Variants in TBC1D32 observed in about 807,000 individuals in gnomAD.
TBC1D32 encodes the protein protein broad-minded.
A neutral mutation model predicts 170.3 loss-of-function variants in TBC1D32; 151 were observed. The observed-to-expected ratio is 0.89, with a 90% CI of 0.78 to 1.01. The LOEUF (loss-of-function observed/expected upper bound fraction) is 1.01. Among genes scored for constraint, TBC1D32 ranks in the 50% least tolerant of loss-of-function variants. The pLI is 0.00. For missense variants in TBC1D32, 1,464 were observed against 1,457.1 expected (o/e 1.00, Z -0.08); for synonymous variants, 498 against 488.0 (o/e 1.02, Z -0.27).
intron 13 of TBC1D32, among the ~76,000 whole-genome samples, chr6:121,282,048 A>G (rs923770652): frequency 3.3e-5 from 5 of 151,806 alleles, no homozygotes; most frequent in South Asian, 2.1e-4. Flanking sequence ...CACTTTTACC[A>G]TACTCATATT....
intron 30 of TBC1D32, among the ~76,000 whole-genome samples, chr6:121,092,428 T>A (rs2128177232): frequency 6.6e-6 from 1 of 151,930 alleles, no homozygotes; most frequent in South Asian, 2.1e-4. Flanking sequence ...TCTATCATTT[T>A]GTTTTTCTAA....
At chr6:121,323,314 CTCTCA>C (rs67038651) in intron 1 of TBC1D32, among the ~76,000 whole-genome samples, 96,989 of 151,454 alleles carry the variant, frequency 0.64, 36,483 homozygotes, top group Non-Finnish European at 0.84. Context: ...TCCCTCTCTC[CTCTCA>C]TATTTTCTTC....
intron 1 of TBC1D32, among the ~76,000 whole-genome samples, chr6:121,327,669 G>C (rs1810629642): frequency 6.6e-6 from 1 of 152,112 alleles, no homozygotes; most frequent in Non-Finnish European, 1.5e-5. Context: ...CCCAACTAAA[G>C]GCAAAGCTTC....
chr6:121,158,148 G>A (rs984454644), intron 24 of TBC1D32, among the ~76,000 whole-genome samples: 3 of 147,740 alleles, frequency 2.0e-5, no homozygotes, highest in Non-Finnish European at 4.5e-5. Flanking sequence ...CATAGATTTG[G>A]TCTCTTTACA....
intron 17 of TBC1D32, among the ~76,000 whole-genome samples, chr6:121,244,722 T>C (rs184693446): frequency 1.2e-4 from 19 of 152,346 alleles, no homozygotes; most frequent in Admixed American, 8.5e-4. Context: ...TAAGTAAATA[T>C]GGTATGGCAA....
chr6:121,307,589 G>A (rs1001733336), intron 5 of TBC1D32, among the ~76,000 whole-genome samples: 3 of 152,096 alleles, frequency 2.0e-5, no homozygotes, highest in East Asian at 1.9e-4. Context: ...GCCAGACACC[G>A]TGGCCCATGC....
chr6:121,284,054 G>C (rs1803428869), intron 12 of TBC1D32, 144 bp from the exon 13 acceptor site: 1 of 630,314 alleles, frequency 1.6e-6, no homozygotes, highest in Admixed American at 3.0e-5. Flanking sequence ...TATAATCTCA[G>C]ATAGAAGACT....
chr6:121,190,424 C>A (rs1789844481), intron 22 of TBC1D32, among the ~76,000 whole-genome samples: 1 of 145,450 alleles, frequency 6.9e-6, no homozygotes, highest in Non-Finnish European at 1.5e-5. Context: ...ACTCTCTCTA[C>A]CCCCCTACAC....
At chr6:121,233,408 T>G (rs1191065424) in intron 20 of TBC1D32, among the ~76,000 whole-genome samples, 3 of 152,144 alleles carry the variant, frequency 2.0e-5, no homozygotes, top group Non-Finnish European at 4.4e-5. Context: ...AGTGCTTATA[T>G]ATTTAGGATT....
chr6:121,160,017 T>C lies in TBC1D32; in HGVS notation c.2766A>G (p.Ile922Met). The C allele has an allele frequency of 6.3e-7, 1 of 1,596,410 alleles. No homozygotes were observed. Among genetic ancestry groups the C allele is most frequent in the Non-Finnish European group, 8.6e-7 (1 of 1,165,312 alleles). The change falls in exon 24 of 32, where the codon ATA becomes ATG. Residue 922 changes from isoleucine (I) to methionine (M), a missense_variant. By Grantham distance (10) the Ile-to-Met change is conservative (BLOSUM62 1). Around this residue, in one of 3 missense-constraint regions of TBC1D32, gnomAD observed 1,363 missense variants for 1,338.1 expected, o/e 1.02. Coordinates refer to ENST00000398212, the MANE Select transcript of TBC1D32 (RefSeq NM_152730.6). ...TGATGGTAAATATTTTACCTTGTTT[T>C]ATACCAGCATTTCTTGTAATGTCTG... ...YLSDITRNAG[I>M]KQDNDLDKLL...
chr6:121,196,029 G>A (rs1247980095), intron 22 of TBC1D32, among the ~76,000 whole-genome samples: 1 of 152,200 alleles, frequency 6.6e-6, no homozygotes, highest in Non-Finnish European at 1.5e-5. Context: ...TGGGGAAGAA[G>A]TATGTGGATG....
intron 15 of TBC1D32, among the ~76,000 whole-genome samples, chr6:121,271,435 G>A (rs148643164): frequency 0.12 from 17,670 of 152,096 alleles, 1,493 homozygotes; most frequent in Admixed American, 0.23. Flanking sequence ...CAAAATCAAC[G>A]TGTAAAAATC....
intron 24 of TBC1D32, among the ~76,000 whole-genome samples, chr6:121,149,941 G>C (rs570106721): frequency 6.6e-6 from 1 of 152,220 alleles, no homozygotes; most frequent in South Asian, 2.1e-4. Context: ...CTTAAGCAGT[G>C]GTTTGTAGTT....
chr6:121,085,425 G>T (rs116068952), intron 31 of TBC1D32, among the ~76,000 whole-genome samples: 1 of 147,830 alleles, frequency 6.8e-6, no homozygotes, highest in African/African-American at 2.5e-5. Flanking sequence ...CATAACAACC[G>T]GTAAGCAATG....
At chr6:121,104,243 C>G (rs1778456679) in intron 30 of TBC1D32, among the ~76,000 whole-genome samples, 1 of 151,606 alleles carries the variant, frequency 6.6e-6, no homozygotes, top group South Asian at 2.1e-4. Flanking sequence ...ATTAAGAAGT[C>G]TATTACTGTA....
intron 25 of TBC1D32, among the ~76,000 whole-genome samples, chr6:121,128,360 T>C (rs1396011750): frequency 2.6e-5 from 4 of 152,164 alleles, no homozygotes; most frequent in Non-Finnish European, 5.9e-5. Context: ...TTCTAACCAA[T>C]TGTAAGTGTA....
At chr6:121,250,013 C>T (rs1798090190) in intron 17 of TBC1D32, among the ~76,000 whole-genome samples, 1 of 151,912 alleles carries the variant, frequency 6.6e-6, no homozygotes. Context: ...CAATAAAGAG[C>T]CCACACAGCC....
At position 121,257,994 on chromosome 6, in the gene TBC1D32, T is replaced by C. The variant is rs146802267; in HGVS notation, c.1734-1709A>G. On this transcript the variant is annotated intron_variant, in intron 15 of 31. Coordinates refer to ENST00000398212, the MANE Select transcript of TBC1D32 (RefSeq NM_152730.6). The stretch of plus-strand genomic sequence containing the variant: ...ATACAGATAACAGCTCACAGTAAAG[T>C]AGTTGCTACCATTCCAGTGATAGTG... Among the ~76,000 whole-genome samples the C allele has an allele frequency of 5.0e-3, 762 of 152,240 alleles. 8 individuals are homozygous for C. The highest frequency in any genetic ancestry group is 0.038 in the South Asian group (182 of 4,828).
chr6:121,083,502 C>T (rs1775859065), intron 31 of TBC1D32, among the ~76,000 whole-genome samples: 1 of 152,014 alleles, frequency 6.6e-6, no homozygotes, highest in Non-Finnish European at 1.5e-5. Flanking sequence ...TGGATGTATT[C>T]AATATTATAT....
Sources: allele counts gnomAD v4.1 joint callset (sites outside exome capture counted in the v4.1 genomes callset), GRCh38; gene constraint gnomAD v4.1.1; regional missense constraint gnomAD v4.1.1; transcripts MANE v1.5; gene names NCBI Gene and HGNC (gene_info 2026-07-23, HGNC 2026-07-21).